SLC22A23: variants seen among roughly 807,000 people sequenced by gnomAD.
SLC22A23 encodes the protein ion transporter protein.
SLC22A23 carries 26 observed loss-of-function variants against 61.0 expected under a neutral mutation model. The ratio of observed to expected loss-of-function variants is 0.43; its 90% CI spans 0.31 to 0.59. The LOEUF (loss-of-function observed/expected upper bound fraction) is 0.59. SLC22A23 is among the 20% of genes least tolerant of loss of function. The pLI is 0.11. For missense variants in SLC22A23, 796 were observed against 934.7 expected (o/e 0.85, Z 1.94); for synonymous variants, 430 against 413.9 (o/e 1.04, Z -0.47).
chr6:3,356,619 C>T (rs897936203), intron 3 of SLC22A23, among the ~76,000 whole-genome samples: 1 of 152,148 alleles, frequency 6.6e-6, no homozygotes, highest in African/African-American at 2.4e-5. Context: ...ACACCATCCA[C>T]GTGAAACATT....
intron 3 of SLC22A23, among the ~76,000 whole-genome samples, chr6:3,404,102 C>T (rs956832074): frequency 2.0e-5 from 3 of 152,190 alleles, no homozygotes; most frequent in Admixed American, 6.5e-5. Flanking sequence ...AAGGTTTTGA[C>T]GCACAGTTTA....
intron 9 of SLC22A23, chr6:3,283,532 GAAGTGCGGCAT>G: frequency 2.8e-6 from 1 of 358,850 alleles, no homozygotes; most frequent in Non-Finnish European, 5.4e-6. Context: ...GGTTCTGGTG[GAAGTGCGGCAT>G]AAGTGATCCG....
chr6:3,355,797 A>G (rs1014360776), intron 3 of SLC22A23, among the ~76,000 whole-genome samples: 29 of 151,026 alleles, frequency 1.9e-4, no homozygotes, highest in Non-Finnish European at 7.4e-5. Context: ...CCCTGCACAA[A>G]CCCCAGCTCT....
chr6:3,297,205 G>A lies in SLC22A23; in HGVS notation c.1210+886C>T, dbSNP rs1056822337. Among the ~76,000 whole-genome samples the A allele has an allele frequency of 3.3e-5, 5 of 152,200 alleles. No homozygotes were observed. Among genetic ancestry groups the A allele is most frequent in the South Asian group, 2.1e-4 (1 of 4,824 alleles). ...AACACAGCAGGCATCTAGTAAACAC[G>A]TGTTGGTTTACTGAATGAATCATGA... On this transcript the variant is annotated intron_variant, in intron 5 of 9. Transcript: ENST00000406686. This position sits in a 1 kb window ranked among gnomAD's most constrained non-coding sequence, Gnocchi z 4.3.
At chr6:3,296,302 A>C (rs1185379449) in intron 5 of SLC22A23, among the ~76,000 whole-genome samples, 1 of 152,172 alleles carries the variant, frequency 6.6e-6, no homozygotes, top group Non-Finnish European at 1.5e-5. Flanking sequence ...CTCATGTTAG[A>C]GCAGCGTGGC....
At chr6:3,287,595 G>C (rs886986257) in intron 6 of SLC22A23, among the ~76,000 whole-genome samples, 2 of 151,888 alleles carry the variant, frequency 1.3e-5, no homozygotes, top group Non-Finnish European at 2.9e-5. Flanking sequence ...ATCCATACCA[G>C]CCTCAACTCC....
intron 3 of SLC22A23, among the ~76,000 whole-genome samples, chr6:3,369,890 T>C (rs965270208): frequency 6.6e-6 from 1 of 152,230 alleles, no homozygotes; most frequent in Non-Finnish European, 1.5e-5. Context: ...TTTTTTCTTG[T>C]GAAAATTTCC....
At chr6:3,385,803 A>G (rs1415174669) in intron 3 of SLC22A23, among the ~76,000 whole-genome samples, 3 of 152,208 alleles carry the variant, frequency 2.0e-5, no homozygotes, top group Admixed American at 2.0e-4. Flanking sequence ...ATGAAAAACA[A>G]AAACTCCCTG....
chr6:3,298,085 G>A lies in SLC22A23; in HGVS notation c.1210+6C>T. On this transcript the variant is annotated splice_donor_region_variant and intron_variant, in intron 5 of 9. Transcript: ENST00000406686. ...TCTGAGCCCTGCCAGCCCGCGGTGT[G>A]CTCACCTGGTATCACACCCTTGATG... The A allele has an allele frequency of 6.5e-7, 1 of 1,538,142 alleles. No individual in the cohort carries two copies.
intron 1 of SLC22A23, among the ~76,000 whole-genome samples, chr6:3,442,497 C>T (rs1771661271): frequency 6.6e-6 from 1 of 152,204 alleles, no homozygotes; most frequent in South Asian, 2.1e-4. Flanking sequence ...ACTGCAGACG[C>T]TAAAGTATAT....
chr6:3,331,635 A>G (rs1471666710), intron 3 of SLC22A23, among the ~76,000 whole-genome samples: 1 of 152,210 alleles, frequency 6.6e-6, no homozygotes, highest in Non-Finnish European at 1.5e-5. Flanking sequence ...TTTTTTCTTT[A>G]AAACTAACAT....
intron 3 of SLC22A23, among the ~76,000 whole-genome samples, chr6:3,403,720 G>C (rs1226640750): frequency 6.6e-6 from 1 of 152,186 alleles, no homozygotes; most frequent in African/African-American, 2.4e-5. Flanking sequence ...CTTCAACACT[G>C]AAGGAGGCTA....
chr6:3,365,473 C>A (rs1057403165), intron 3 of SLC22A23, among the ~76,000 whole-genome samples: 1 of 152,138 alleles, frequency 6.6e-6, no homozygotes, highest in African/African-American at 2.4e-5. Context: ...CTTGTAGATG[C>A]GGTTCAGGCA....
At chr6:3,407,401 T>C (rs549729745) in intron 3 of SLC22A23, among the ~76,000 whole-genome samples, 1 of 152,214 alleles carries the variant, frequency 6.6e-6, no homozygotes, top group Non-Finnish European at 1.5e-5. Flanking sequence ...AGCCTCTGCC[T>C]TCTCCTAAGA....
chr6:3,286,232 G>A lies in SLC22A23; in HGVS notation c.1546+627C>T, dbSNP rs1187846113. On this transcript the variant is annotated intron_variant, in intron 7 of 9. Coordinates refer to ENST00000406686, the MANE Select transcript of SLC22A23 (RefSeq NM_015482.2). The surrounding 1 kb of genome is among the most constrained non-coding windows in gnomAD (Gnocchi z 4.2). ...TTCTGCCTCAGCCTCCTGAGTAGCT[G>A]GGACTACAGGCGTGTACCACCAAGC... Among the ~76,000 whole-genome samples the A allele has an allele frequency of 2.6e-5, 4 of 152,136 alleles. No individual in the cohort carries two copies. The highest frequency in any genetic ancestry group is 2.0e-4 in the Admixed American group (3 of 15,276).
chr6:3,336,660 A>G (rs577603829), intron 3 of SLC22A23, among the ~76,000 whole-genome samples: 3 of 152,354 alleles, frequency 2.0e-5, no homozygotes, highest in Non-Finnish European at 4.4e-5. Flanking sequence ...TGTATTCAGC[A>G]CTTACCAGAG....
rs1645414007 is a variant in SLC22A23 at position 3,322,222 on chromosome 6, A to C, written c.1082+1612T>G. ...AGATATGAGGGTGGAACCATTTACT[A>C]TTGCAAAGTGCTTGTCGTCTGTGCC... is the stretch of plus-strand genomic sequence containing the variant. On this transcript the variant is annotated intron_variant, in intron 4 of 9. Coordinates refer to ENST00000406686, the MANE Select transcript of SLC22A23 (RefSeq NM_015482.2). The surrounding 1 kb of genome is among the most constrained non-coding windows in gnomAD (Gnocchi z 4.1). Among the ~76,000 whole-genome samples the C allele has an allele frequency of 6.6e-6, 1 of 152,072 alleles. No individual in the cohort carries two copies. The highest frequency in any genetic ancestry group is 1.5e-5 in the Non-Finnish European group (1 of 68,006).
At position 3,269,660 on chromosome 6, in the gene SLC22A23, C is replaced by CAA. The variant is rs1758349074; in HGVS notation, c.*3394_*3395insTT. The CAA allele has an allele frequency of 6.5e-6, 1 of 152,696 alleles. No homozygotes were observed. The highest frequency in any genetic ancestry group is 1.5e-5 in the Non-Finnish European group (1 of 68,026). The allele number at this position is 152,696 out of a possible 1,614,324, so 9.5% of individuals were successfully genotyped here. A position where few individuals can be genotyped will look rare whatever the true frequency, so the allele number is the denominator to read the frequency against. ...AGTTTTTATATTACAACCTCAAGGACAGGGAGGGAAGTGTTCGCCGCTAGA... is the reference window on the plus strand; with the variant it reads ...AGTTTTTATATTACAACCTCAAGGACAAAGGGAGGGAAGTGTTCGCCGCTAGA... On this transcript the variant is annotated 3_prime_UTR_variant, in exon 10 of 10. Transcript: ENST00000406686.
rs1464480450 is a variant in SLC22A23, at chr6:3,327,970, A to G, written c.914-3968T>C. On this transcript the variant is annotated intron_variant, in intron 3 of 9. Transcript: ENST00000406686. The surrounding 1 kb of genome is among the most constrained non-coding windows in gnomAD (Gnocchi z 4.1). ...GTGCTCAAAAAGTTTCAGATTCTAG[A>G]GCATTTCAGATTTCAGATGTTCTGA... 6.6e-6 allele frequency among the ~76,000 whole-genome samples: 1 copy of G among 152,074 alleles called. No homozygotes were observed. The highest frequency in any genetic ancestry group is 1.5e-5 in the Non-Finnish European group (1 of 68,032).
Sources: gnomAD v4.1 joint callset for allele counts (sites outside exome capture counted in the v4.1 genomes callset) on GRCh38, gnomAD v4.1.1 for gene constraint, Gnocchi (gnomAD v3.1) non-coding constraint, MANE v1.5 for transcripts, NCBI Gene and HGNC (gene_info 2026-07-23, HGNC 2026-07-21) for gene names.